The following TRIP12 variants were observed in gnomAD, a reference collection of about 807,000 sequenced individuals.
The protein encoded by TRIP12 is E3 ubiquitin-protein ligase TRIP12.
TRIP12 carries 25 observed loss-of-function variants against 244.2 expected under a neutral mutation model. The observed-to-expected ratio is 0.10, with a 90% CI of 0.07 to 0.14. TRIP12 has a LOEUF of 0.14. Among genes scored for constraint, TRIP12 ranks in the 10% least tolerant of loss-of-function variants. The pLI is 1.00. For synonymous variants in TRIP12, 905 were observed against 873.1 expected, an observed-to-expected ratio of 1.04 and a Z score of -0.64; for missense variants, 1,677 against 2,486.4, an observed-to-expected ratio of 0.67 and a Z score of 6.92.
At chr2:229,873,949 G>A (rs2063145741) in intron 2 of TRIP12, among the ~76,000 whole-genome samples, 1 of 151,618 alleles carries the variant, frequency 6.6e-6, no homozygotes, top group South Asian at 2.1e-4. Context: ...CAAAGCTGAG[G>A]AAAAATTTAT....
Position 229,836,968 on chromosome 2 carries a change from G to A in TRIP12, c.1150C>T (p.Leu384=). 6.4e-7 allele frequency: 1 copy of A among 1,566,484 alleles called. No homozygotes were observed. Among genetic ancestry groups the A allele is most frequent in the Non-Finnish European group, 8.6e-7 (1 of 1,161,922 alleles). Residue 384 remains leucine, a synonymous_variant, in exon 6 of 42, where the codon CTG becomes TTG. Coordinates refer to ENST00000675903, the MANE Select transcript of TRIP12 (RefSeq NM_001348323.3). ...CASTSRRGSG[L]GKRGAAEARR... ...GCTTCAGCTGCTCCTCTTTTGCCCA[G>A]GCCAGAGCCTCGCCGACTACAACAG...
chr2:229,882,172 A>G (rs189216468), intron 1 of TRIP12, among the ~76,000 whole-genome samples: 4 of 152,364 alleles, frequency 2.6e-5, no homozygotes, highest in African/African-American at 9.6e-5. Context: ...AAATCCATGT[A>G]AACTACTCAA....
At chr2:229,822,730 G>A (rs2050398353) in intron 8 of TRIP12, among the ~76,000 whole-genome samples, 1 of 151,840 alleles carries the variant, frequency 6.6e-6, no homozygotes, top group African/African-American at 2.4e-5. Context: ...TGAGAATTAA[G>A]TGGGGGAAAA....
chr2:229,888,540 G>C (rs756114106), intron 1 of TRIP12, among the ~76,000 whole-genome samples: 2 of 152,200 alleles, frequency 1.3e-5, no homozygotes, highest in African/African-American at 4.8e-5. Flanking sequence ...CAGACACCAA[G>C]AGGAAGACAG....
chr2:229,784,948 A>G (rs2039519381), intron 34 of TRIP12, among the ~76,000 whole-genome samples: 1 of 152,234 alleles, frequency 6.6e-6, no homozygotes, highest in South Asian at 2.1e-4. Context: ...AAGTAAAAAC[A>G]TGTGTCTCCA....
intron 30 of TRIP12, among the ~76,000 whole-genome samples, chr2:229,790,030 T>C (rs555645749): frequency 6.6e-6 from 1 of 152,322 alleles, no homozygotes; most frequent in East Asian, 1.9e-4. Context: ...TTCTCCTTTA[T>C]ACCAGAAACA....
intron 2 of TRIP12, among the ~76,000 whole-genome samples, chr2:229,864,045 A>AGAGAGAGAGAGT (rs1559957254): frequency 1.3e-4 from 9 of 67,196 alleles, no homozygotes; most frequent in South Asian, 1.2e-3. Flanking sequence ...AGAGAGAGAG[A>AGAGAGAGAGAGT]GAGTGTGTGT....
At chr2:229,891,574 C>T (rs1050500734) in intron 1 of TRIP12, among the ~76,000 whole-genome samples, 4 of 152,092 alleles carry the variant, frequency 2.6e-5, no homozygotes, top group African/African-American at 4.8e-5. Flanking sequence ...TGTGCTCCAA[C>T]CTGGGTGACA....
intron 26 of TRIP12, among the ~76,000 whole-genome samples, chr2:229,794,191 T>C (rs942509440): frequency 6.6e-6 from 1 of 152,192 alleles, no homozygotes; most frequent in Non-Finnish European, 1.5e-5. Flanking sequence ...GTCCATGATG[T>C]GATTGCTTTA....
chr2:229,772,217 T>G, intron 38 of TRIP12, among the ~76,000 whole-genome samples: 1 of 152,204 alleles, frequency 6.6e-6, no homozygotes, highest in East Asian at 1.9e-4. Flanking sequence ...GGTAGCCCAA[T>G]GGGTAGAGAA....
rs766186992 is a variant in TRIP12, at chr2:229,785,739, A to G, written c.5094+18T>C. 107 of 1,608,972 alleles carry G rather than the reference A, an allele frequency of 6.7e-5. No homozygotes were observed. Among genetic ancestry groups the G allele is most frequent in the Non-Finnish European group, 8.5e-5 (100 of 1,177,156 alleles). Reference sequence around the variant, plus strand: ...GCACAAGTCAAGCTAAATAACCATCACCAGACTCCAAGCTCACCTCATTTT... The same window carrying G: ...GCACAAGTCAAGCTAAATAACCATCGCCAGACTCCAAGCTCACCTCATTTT... On this transcript the variant is annotated intron_variant, in intron 34 of 41. Transcript: ENST00000675903.
intron 29 of TRIP12, 120 bp from the exon 30 acceptor site, chr2:229,791,371 C>T: frequency 8.6e-7 from 1 of 1,159,488 alleles, no homozygotes; most frequent in Non-Finnish European, 1.2e-6. Context: ...TCTCCTCTCT[C>T]TCCCTAGTGT....
In TRIP12 at chr2:229,778,663, T is replaced by G; in HGVS notation, c.5210-76A>C. Reference sequence around the variant, plus strand: ...ACAAAACCTGGTAACTAAGAACATTTAAGAAATTAAGCATTCTCAAAATTG... The same window carrying G: ...ACAAAACCTGGTAACTAAGAACATTGAAGAAATTAAGCATTCTCAAAATTG... On this transcript the variant is annotated intron_variant, in intron 35 of 41. Coordinates refer to ENST00000675903, the MANE Select transcript of TRIP12 (RefSeq NM_001348323.3). The surrounding 1 kb of genome is among the most constrained non-coding windows in gnomAD (Gnocchi z 4.1). 1 of 1,553,336 alleles carries G rather than the reference T, an allele frequency of 6.4e-7. No individual in the cohort carries two copies. The highest frequency in any genetic ancestry group is 1.2e-5 in the South Asian group (1 of 82,324).
intron 1 of TRIP12, among the ~76,000 whole-genome samples, chr2:229,885,610 C>A (rs1198977689): frequency 6.6e-6 from 1 of 152,178 alleles, no homozygotes; most frequent in Non-Finnish European, 1.5e-5. Flanking sequence ...TACAATAAAA[C>A]AAAATAGAAA....
At chr2:229,912,731 C>T (rs1209148136) in intron 1 of TRIP12, among the ~76,000 whole-genome samples, 2 of 152,124 alleles carry the variant, frequency 1.3e-5, no homozygotes, top group African/African-American at 2.4e-5. Context: ...GTGCTGTAGT[C>T]GTAAGTTTCA....
At chr2:229,824,591 G>A (rs1407310090) in intron 8 of TRIP12, among the ~76,000 whole-genome samples, 8 of 152,184 alleles carry the variant, frequency 5.3e-5, no homozygotes, top group Non-Finnish European at 1.2e-4. Context: ...ATGGAGTAAC[G>A]TGGCAGCTTT....
intron 6 of TRIP12, among the ~76,000 whole-genome samples, chr2:229,832,943 A>G (rs191539246): frequency 6.6e-6 from 1 of 152,336 alleles, no homozygotes; most frequent in Admixed American, 6.5e-5. Context: ...AACAAATGAA[A>G]TAGTGGGTAT....
chr2:229,834,946 T>C (rs2054410998), intron 6 of TRIP12, among the ~76,000 whole-genome samples: 1 of 152,214 alleles, frequency 6.6e-6, no homozygotes. Flanking sequence ...ATATCGACTA[T>C]ACAAGTACTA....
In TRIP12 at chr2:229,767,264, T is replaced by C. The variant is rs1574627492; in HGVS notation, c.*290A>G. On this transcript the variant is annotated 3_prime_UTR_variant, in exon 42 of 42. Transcript: ENST00000675903. ...CCAGCCTGGAAAAACATCCCTTTTT[T>C]AAATTTCACACAGCAAAGCATGTTA... 7.0e-6 allele frequency: 2 copies of C among 283,866 alleles called. No individual in the cohort carries two copies. Among genetic ancestry groups the C allele is most frequent in the Admixed American group, 1.0e-4 (2 of 19,574 alleles). The allele number at this position is 283,866 out of a possible 1,614,324, so 17.6% of individuals were successfully genotyped here.
Sources: gnomAD v4.1 joint callset for allele counts (sites outside exome capture counted in the v4.1 genomes callset) on GRCh38, gnomAD v4.1.1 for gene constraint, Gnocchi (gnomAD v3.1) non-coding constraint, MANE v1.5 for transcripts, NCBI Gene and HGNC (gene_info 2026-07-23, HGNC 2026-07-21) for gene names.